Variants in LENG8 observed in about 807,000 individuals in gnomAD.
LENG8 encodes the protein leukocyte receptor cluster (LRC) member 8.
In LENG8, 28 loss-of-function variants were observed where a neutral mutation model predicts 102.1. That is an observed-to-expected ratio of 0.27 (90% CI 0.20 to 0.38). The LOEUF (loss-of-function observed/expected upper bound fraction) is 0.38. Ranked by LOEUF, LENG8 falls within the 10% of genes least tolerant of loss-of-function variation. LENG8 has a pLI of 1.00. For synonymous variants in LENG8, 531 were observed against 456.7 expected (o/e 1.16, Z -2.07); for missense variants, 1,022 against 1,113.9 (o/e 0.92, Z 1.17).
At position 54,452,350 on chromosome 19, in the gene LENG8, G is replaced by T. The variant is rs113746780; in HGVS notation, c.213+83G>T. On this transcript the variant is annotated intron_variant, in intron 3 of 15. Transcript: ENST00000326764. ...GTCTGGCGTCCTGTTGTATCATTCA[G>T]ACGGGGTGCTCTGAGGGGAAACATG... is the stretch of plus-strand genomic sequence containing the variant. 1.8e-5 allele frequency: 23 copies of T among 1,256,420 alleles called. No individual in the cohort carries two copies. In the African/African-American group the frequency reaches 2.0e-4, roughly 11 times the overall value. The allele number at this position is 1,256,420 out of a possible 1,614,324, so 77.8% of individuals were successfully genotyped here.
intron 15 of LENG8, chr19:54,460,459 C>G: frequency 7.7e-7 from 1 of 1,306,540 alleles, no homozygotes; most frequent in Non-Finnish European, 9.8e-7. Flanking sequence ...GCTGCTCCCT[C>G]CATCTGGTCC....
At chr19:54,459,885 A>C in intron 15 of LENG8, 33 of 1,170,788 alleles carry the variant, frequency 2.8e-5, no homozygotes, top group Non-Finnish European at 3.5e-5. Context: ...GATGGGCCCC[A>C]TGAATGGTGG....
chr19:54,460,510 T>C, intron 15 of LENG8: 2 of 1,375,260 alleles, frequency 1.5e-6, no homozygotes, highest in Non-Finnish European at 1.9e-6. Flanking sequence ...GGCCCTTCCC[T>C]GCCCGTCCCC....
chr19:54,456,511 G>T (rs755014790), intron 10 of LENG8, 46 bp downstream of exon 10: 5 of 1,562,514 alleles, frequency 3.2e-6, no homozygotes, highest in Non-Finnish European at 4.3e-6. Flanking sequence ...GTGGAGGAGG[G>T]TACTGGGGAC....
chr19:54,451,918 C>G (rs1178514236), intron 2 of LENG8, 175 bp from the exon 3 acceptor site: 1 of 568,832 alleles, frequency 1.8e-6, no homozygotes, highest in Non-Finnish European at 3.1e-6. Flanking sequence ...TTTATCCCTC[C>G]CAGCAGACTC....
chr19:54,457,927 G>T lies in LENG8; in HGVS notation c.1834-7G>T. On this transcript the variant is annotated splice_polypyrimidine_tract_variant and splice_region_variant and intron_variant, in intron 12 of 15. Transcript: ENST00000326764. ...TTGTGACTCTTGTTCTCGCCCCGCTGCCCCAGGTGCAGGGCATCCGCACCG... is the reference window on the plus strand; with the variant it reads ...TTGTGACTCTTGTTCTCGCCCCGCTTCCCCAGGTGCAGGGCATCCGCACCG... 1 of 1,613,848 alleles carries T rather than the reference G, an allele frequency of 6.2e-7. No homozygotes were observed. The highest frequency in any genetic ancestry group is 2.2e-5 in the East Asian group (1 of 44,872).
rs777245721 is a variant in LENG8, at chr19:54,456,791, G to A, written c.1601G>A (p.Ser534Asn). ...LRLEPLVLQM[S>N]SLESSGADPD... is the part of the protein sequence containing the mutation. ...CTCGAGCCCCTGGTGCTGCAGATGA[G>A]CAGCCTGGAGAGCAGTGGGGCTGAC... The change falls in exon 11 of 16, where the codon AGC (serine) becomes AAC (asparagine). Residue 534 changes from serine to asparagine, a missense_variant. By Grantham distance (46) the Ser-to-Asn change is conservative. Transcript: ENST00000326764. 5.6e-6 allele frequency: 9 copies of A among 1,611,530 alleles called. No individual in the cohort carries two copies. The South Asian group carries it at 8.8e-5, about 16-fold the overall frequency.
chr19:54,455,315 T>C (rs781196338), intron 7 of LENG8, 49 bp from the exon 8 acceptor site: 6 of 1,598,598 alleles, frequency 3.8e-6, no homozygotes, highest in Non-Finnish European at 4.3e-6. Flanking sequence ...GGATGGTCTT[T>C]TGAGTTTGGG....
chr19:54,451,276 T>A lies in LENG8; in HGVS notation c.-55-14T>A, dbSNP rs2083947123. The A allele has an allele frequency of 3.3e-6, 5 of 1,533,814 alleles. No homozygotes were observed. The Admixed American group carries it at 8.3e-5, about 26-fold the overall frequency. ...TCCCCCTTAAGTCTCCCTAACTCAT[T>A]CTTTTTCTCATAGACAGTGAAAAAG... is the stretch of plus-strand genomic sequence containing the variant. On this transcript the variant is annotated splice_polypyrimidine_tract_variant and intron_variant, in intron 1 of 15. Transcript: ENST00000326764.
Position 54,454,594 on chromosome 19 carries a change from G to A in LENG8, c.591G>A (p.Gly197=). 6.2e-7 allele frequency: 1 copy of A among 1,600,526 alleles called. No individual in the cohort carries two copies. Among genetic ancestry groups the A allele is most frequent in the Non-Finnish European group, 8.5e-7 (1 of 1,176,238 alleles). ...CAGCCACACAGCACAGCCAGGCGGG[G>A]CCCGCCACGGGCCAGGCCTATGGGC... is the stretch of plus-strand genomic sequence containing the variant. ...TAPATQHSQA[G]PATGQAYGPH... Residue 197 remains glycine (G), a synonymous_variant, in exon 6 of 16, where the codon GGG becomes GGA. Transcript: ENST00000326764.
chr19:54,459,713 T>G (rs1016926262), intron 15 of LENG8: 1 of 1,030,732 alleles, frequency 9.7e-7, no homozygotes. Context: ...TGGAGACTCA[T>G]TCTGGAATCT....
chr19:54,453,440 G>C (rs1344405391), intron 4 of LENG8, 106 bp from the exon 5 acceptor site: 6 of 723,968 alleles, frequency 8.3e-6, no homozygotes, highest in Admixed American at 4.2e-5. Context: ...AGAGAGAAAG[G>C]GGTGAGGGAT....
Position 54,454,642 on chromosome 19 carries a change from C to T in LENG8, c.639C>T (p.Ala213=). The T allele has an allele frequency of 6.2e-7, 1 of 1,607,198 alleles. No individual in the cohort carries two copies. Among genetic ancestry groups the T allele is most frequent in the African/African-American group, 1.3e-5 (1 of 74,930 alleles). ...GGCCACACACCTACACCGAACCTGC[C>T]AAGCCCAAGAAGGGCCAACAGCTGT... ...AYGPHTYTEP[A]KPKKGQQLWN... is the part of the protein sequence containing the mutation. Residue 213 remains alanine (A), a synonymous_variant, in exon 6 of 16, where the codon GCC becomes GCT. Coordinates refer to ENST00000326764, the MANE Select transcript of LENG8 (RefSeq NM_052925.4).
At position 54,456,265 on chromosome 19, in the gene LENG8, G is replaced by C; in HGVS notation, c.1304+20G>C. ...CAGAAGGTACTGAGGCTCCCGGCTG[G>C]GGCTGTGTGTGAGGGAGGGGGAGGC... On this transcript the variant is annotated intron_variant, in intron 9 of 15. Coordinates refer to ENST00000326764, the MANE Select transcript of LENG8 (RefSeq NM_052925.4). 2 of 1,614,088 alleles carry C rather than the reference G, an allele frequency of 1.2e-6. No individual in the cohort carries two copies. The highest frequency in any genetic ancestry group is 8.5e-7 in the Non-Finnish European group (1 of 1,179,988).
chr19:54,455,877 G>C (rs1453066322), intron 8 of LENG8, 90 bp from the exon 9 acceptor site: 23 of 1,398,664 alleles, frequency 1.6e-5, no homozygotes, highest in Non-Finnish European at 2.2e-5. Context: ...TTTCCTTTCG[G>C]AGGCGGGTCG....
intron 1 of LENG8, among the ~76,000 whole-genome samples, chr19:54,450,846 C>G (rs994045006): frequency 6.6e-6 from 1 of 152,120 alleles, no homozygotes; most frequent in African/African-American, 2.4e-5. Context: ...TCTCGAACTC[C>G]CGACCTCAGG....
rs945203879 is a variant in LENG8 at position 54,460,228 on chromosome 19, G to A, written c.2241-538G>A. On this transcript the variant is annotated intron_variant, in intron 15 of 15. Transcript: ENST00000326764. ...GGGTAGGGCTGCACCCTGTGGAAGA[G>A]GGTTCAGGGAGCTCTGAGGACCTGG... 21 of 1,287,610 alleles carry A rather than the reference G, an allele frequency of 1.6e-5. No individual in the cohort carries two copies. The South Asian group carries it at 2.6e-4, about 16-fold the overall frequency. The allele number at this position is 1,287,610 out of a possible 1,614,324, so 79.8% of individuals were successfully genotyped here.
rs1003906593 is a variant in LENG8, at chr19:54,452,667, A to G, written c.230A>G (p.Glu77Gly). 2 of 1,614,064 alleles carry G rather than the reference A, an allele frequency of 1.2e-6. No individual in the cohort carries two copies. Among genetic ancestry groups the G allele is most frequent in the Non-Finnish European group, 1.7e-6 (2 of 1,179,908 alleles). Reference sequence around the variant, plus strand: ...CTTCCACAGTACGTGTCCCAGGCAGAAGCCTCAGCTTTGCAGCAGCAGCAG... The same window carrying G: ...CTTCCACAGTACGTGTCCCAGGCAGGAGCCTCAGCTTTGCAGCAGCAGCAG... Reference protein sequence around the residue: ...VASAQYVSQAEASALQQQQYY... With the variant: ...VASAQYVSQAGASALQQQQYY... Residue 77 changes from glutamate to glycine, a missense_variant, in exon 4 of 16, where the codon GAA (glutamate) becomes GGA (glycine). Glu to Gly is a moderately conservative substitution (Grantham distance 98). This residue lies in a region of LENG8 where 343 missense variants were observed against 320.2 expected (regional missense o/e 1.07). Transcript: ENST00000326764.
At chr19:54,459,177 CAAG>C (rs2084407005) in intron 15 of LENG8, 1 of 1,208,036 alleles carries the variant, frequency 8.3e-7, no homozygotes, top group African/African-American at 1.5e-5. Context: ...TGGGCAATGT[CAAG>C]AGAGGTTTTC....
Sources: allele counts gnomAD v4.1 joint callset (sites outside exome capture counted in the v4.1 genomes callset), GRCh38; gene constraint gnomAD v4.1.1; regional missense constraint gnomAD v4.1.1; transcripts MANE v1.5; gene names NCBI Gene and HGNC (gene_info 2026-07-23, HGNC 2026-07-21).